RHOT1: variants seen among roughly 807,000 people sequenced by gnomAD.
RHOT1 encodes the protein ras homolog family member T1.
A neutral mutation model predicts 95.3 loss-of-function variants in RHOT1; 27 were observed. The observed-to-expected ratio is 0.28, with a 90% confidence interval of 0.21 to 0.39. The LOEUF is 0.39. Among genes scored for constraint, RHOT1 ranks in the 10% least tolerant of loss-of-function variants. The pLI, the probability that RHOT1 is intolerant of heterozygous loss-of-function variation, is 1.00. For synonymous variants in RHOT1, 227 were observed against 263.5 expected (o/e 0.86, Z 1.34); for missense variants, 578 against 786.7 (o/e 0.73, Z 3.17).
intron 6 of RHOT1, among the ~76,000 whole-genome samples, chr17:32,178,276 G>T (rs1232919369): frequency 7.0e-6 from 1 of 143,714 alleles, no homozygotes; most frequent in Non-Finnish European, 1.5e-5. Context: ...ACTGCAACCT[G>T]CCTGCCTCGG....
chr17:32,215,184 G>T (rs1030708889), intron 19 of RHOT1, among the ~76,000 whole-genome samples: 1 of 151,904 alleles, frequency 6.6e-6, no homozygotes, highest in Admixed American at 6.6e-5. Context: ...GTGAGCCACC[G>T]CACCCAGCTG....
At chr17:32,190,492 TAAAATTACTTTTTGAAA>T (rs769547220) in intron 8 of RHOT1, among the ~76,000 whole-genome samples, 164 of 152,284 alleles carry the variant, frequency 1.1e-3, no homozygotes, top group Admixed American at 2.2e-3. Context: ...TTATTTTTCT[TAAAATTACTTTTTGAAA>T]ATGTATCCCT....
chr17:32,154,687 G>GTTCGAGGCCAGCCTGGCCAACA (rs2032749311), intron 1 of RHOT1, among the ~76,000 whole-genome samples: 2 of 151,638 alleles, frequency 1.3e-5, no homozygotes, highest in Admixed American at 1.3e-4. Flanking sequence ...GAGGTCAGGA[G>GTTCGAGGCCAGCCTGGCCAACA]TTCGAGGCCA....
In RHOT1 at chr17:32,224,749, T is replaced by C. The variant is rs1311233724; in HGVS notation, c.*16T>C. 2.7e-6 allele frequency: 4 copies of C among 1,472,118 alleles called. No homozygotes were observed. The highest frequency in any genetic ancestry group is 3.8e-6 in the Non-Finnish European group (4 of 1,056,586). 91.2% of individuals were successfully genotyped at this position (1,472,118 alleles called of 1,614,324 possible). A position where few individuals can be genotyped will look rare whatever the true frequency, so the allele number is the denominator to read the frequency against. On this transcript the variant is annotated 3_prime_UTR_variant, in exon 20 of 20. Coordinates refer to ENST00000545287, the MANE Select transcript of RHOT1 (RefSeq NM_001033566.3). ...ACAGCGATGATATAAAAAGAAATAC[T>C]GTCCCTACCAAAAACAAATACTTTT...
intron 1 of RHOT1, among the ~76,000 whole-genome samples, chr17:32,164,274 G>A (rs1206696430): frequency 2.0e-5 from 3 of 151,532 alleles, no homozygotes; most frequent in Admixed American, 6.6e-5. Flanking sequence ...TCGCTCCGTC[G>A]CCAGGCTGGA....
chr17:32,195,380 C>T (rs2036801916), intron 11 of RHOT1, among the ~76,000 whole-genome samples: 1 of 152,142 alleles, frequency 6.6e-6, no homozygotes, highest in East Asian at 1.9e-4. Flanking sequence ...TCCTAAGGTG[C>T]TGCGATTACA....
chr17:32,189,421 A>T (rs988407045), intron 8 of RHOT1, among the ~76,000 whole-genome samples: 13 of 152,238 alleles, frequency 8.5e-5, no homozygotes, highest in African/African-American at 3.1e-4. Flanking sequence ...GGGAACTCTT[A>T]CAAGAATTTA....
intron 1 of RHOT1, among the ~76,000 whole-genome samples, chr17:32,168,316 G>GTACTTTTACA (rs1433118692): frequency 3.3e-5 from 5 of 151,988 alleles, no homozygotes; most frequent in African/African-American, 1.2e-4. Flanking sequence ...CACCCCGGCT[G>GTACTTTTACA]GAGTGCAATG....
intron 1 of RHOT1, among the ~76,000 whole-genome samples, chr17:32,162,457 A>G (rs2033651777): frequency 2.0e-5 from 3 of 152,088 alleles, no homozygotes; most frequent in Admixed American, 6.5e-5. Context: ...TAATTTTAGC[A>G]TATGTTTATA....
intron 6 of RHOT1, 74 bp downstream of exon 6, chr17:32,176,287 A>G (rs1344726667): frequency 1.8e-6 from 2 of 1,139,130 alleles, no homozygotes; most frequent in African/African-American, 1.6e-5. Flanking sequence ...GAAGTAGTAC[A>G]TTGAACTTCC....
chr17:32,200,470 A>G (rs997528571), intron 13 of RHOT1, among the ~76,000 whole-genome samples: 2 of 152,140 alleles, frequency 1.3e-5, no homozygotes, highest in African/African-American at 4.8e-5. Context: ...TAAGAATGGC[A>G]GTGTAGGGCC....
At chr17:32,166,609 A>G (rs952308993) in intron 1 of RHOT1, among the ~76,000 whole-genome samples, 1 of 152,186 alleles carries the variant, frequency 6.6e-6, no homozygotes, top group Non-Finnish European at 1.5e-5. Context: ...GTAATATTCC[A>G]GGTCCTTTGT....
chr17:32,206,451 T>TC (rs1464844124), intron 16 of RHOT1, among the ~76,000 whole-genome samples: 4 of 121,282 alleles, frequency 3.3e-5, no homozygotes, highest in Admixed American at 8.0e-5. Context: ...CTTTTTTTTT[T>TC]TTTTTTTTTT....
intron 1 of RHOT1, among the ~76,000 whole-genome samples, chr17:32,151,881 CAAAAAAAAAAA>C (rs60313146): frequency 1.6e-5 from 1 of 60,824 alleles, no homozygotes; most frequent in Non-Finnish European, 3.7e-5. Flanking sequence ...GACTCCGTCT[CAAAAAAAAAAA>C]AAAAAAAAAG....
intron 19 of RHOT1, among the ~76,000 whole-genome samples, chr17:32,216,247 A>G (rs2038467693): frequency 6.6e-6 from 1 of 152,050 alleles, no homozygotes. Flanking sequence ...TGTGTAACTT[A>G]GTCATTTTTT....
rs201975476 is a variant in RHOT1 at position 32,223,420 on chromosome 17, T to TC, written c.1863-1196_1863-1195insC. On this transcript the variant is annotated intron_variant, in intron 19 of 19. Transcript: ENST00000545287. ...TTTTGTAAGTTTTCTTTTCTTTCTT[T>TC]TTTTTTTTTTTTGCGATAGAGTCTC... Among the ~76,000 whole-genome samples the TC allele has an allele frequency of 5.2e-3, 780 of 148,958 alleles. 4 individuals carry two copies. Among genetic ancestry groups the TC allele is most frequent in the Middle Eastern group, 0.021 (6 of 290 alleles).
chr17:32,207,216 T>C (rs957999278), intron 17 of RHOT1, 187 bp downstream of exon 17: 12 of 504,286 alleles, frequency 2.4e-5, no homozygotes, highest in Non-Finnish European at 2.4e-5. Flanking sequence ...GACATACATA[T>C]TTCTGAAAGT....
At chr17:32,219,494 A>G (rs186273492) in intron 19 of RHOT1, among the ~76,000 whole-genome samples, 3 of 152,302 alleles carry the variant, frequency 2.0e-5, no homozygotes, top group African/African-American at 7.2e-5. Flanking sequence ...CCCTTGCACT[A>G]AAGATATTCA....
At chr17:32,159,970 C>T (rs931938884) in intron 1 of RHOT1, 1 of 152,084 alleles carries the variant, frequency 6.6e-6, no homozygotes, top group Non-Finnish European at 1.5e-5. Context: ...CCATGGCTGC[C>T]CATGGACCAA....
Sources: allele counts gnomAD v4.1 joint callset (sites outside exome capture counted in the v4.1 genomes callset), GRCh38; gene constraint gnomAD v4.1.1; transcripts MANE v1.5; gene names NCBI Gene and HGNC (gene_info 2026-07-23, HGNC 2026-07-21).